RIT2: variants seen among roughly 807,000 people sequenced by gnomAD.
RIT2 encodes the protein GTP-binding protein Rit2.
A neutral mutation model predicts 23.7 loss-of-function variants in RIT2; 24 were observed. That is an observed-to-expected ratio of 1.01 (90% CI 0.73 to 1.43). RIT2 has a LOEUF of 1.43. RIT2 is among the 40% of genes most tolerant of loss of function. The pLI, the probability that RIT2 is intolerant of heterozygous loss-of-function variation, is 0.00. For missense variants in RIT2, 236 were observed against 266.9 expected (o/e 0.88, Z 0.81); for synonymous variants, 107 against 91.1 (o/e 1.17, Z -0.99).
At chr18:42,814,122 C>T (rs751152475) in intron 4 of RIT2, among the ~76,000 whole-genome samples, 8 of 152,096 alleles carry the variant, frequency 5.3e-5, no homozygotes, top group South Asian at 2.1e-4. Flanking sequence ...AGGGGTCCTT[C>T]GGGAGGGCAG....
At chr18:42,927,999 C>T (rs2144140283) in intron 3 of RIT2, among the ~76,000 whole-genome samples, 1 of 152,038 alleles carries the variant, frequency 6.6e-6, no homozygotes, top group South Asian at 2.1e-4. Flanking sequence ...ATATGAATGC[C>T]TCACTACATT....
At chr18:42,761,923 T>C (rs1316683864) in intron 4 of RIT2, among the ~76,000 whole-genome samples, 5 of 152,202 alleles carry the variant, frequency 3.3e-5, no homozygotes, top group Admixed American at 3.3e-4. Flanking sequence ...TTTGACCAAC[T>C]GTAATTTGTT....
intron 4 of RIT2, among the ~76,000 whole-genome samples, chr18:42,911,409 G>A (rs182337523): frequency 2.2e-4 from 34 of 151,692 alleles, no homozygotes; most frequent in Non-Finnish European, 3.5e-4. Flanking sequence ...CAATAAAATC[G>A]GTAAACTTTT....
chr18:43,001,843 G>A (rs1911115160), intron 2 of RIT2, among the ~76,000 whole-genome samples: 1 of 151,852 alleles, frequency 6.6e-6, no homozygotes, highest in African/African-American at 2.4e-5. Flanking sequence ...CTGTGTTTTG[G>A]AGTAGCACAA....
At chr18:42,997,937 G>C (rs967212202) in intron 2 of RIT2, among the ~76,000 whole-genome samples, 2 of 152,128 alleles carry the variant, frequency 1.3e-5, no homozygotes, top group East Asian at 3.9e-4. Flanking sequence ...TGTATTGAGA[G>C]AGAGAGAATT....
intron 4 of RIT2, among the ~76,000 whole-genome samples, chr18:42,784,972 C>G (rs2143937894): frequency 6.6e-6 from 1 of 152,144 alleles, no homozygotes; most frequent in East Asian, 1.9e-4. Flanking sequence ...AACTGTTCTA[C>G]TTTCCAACTA....
intron 4 of RIT2, among the ~76,000 whole-genome samples, chr18:42,901,854 A>T (rs572874260): frequency 6.6e-6 from 1 of 152,020 alleles, no homozygotes; most frequent in African/African-American, 2.4e-5. Context: ...GTCAAAGGAG[A>T]CTATCCAAAG....
At chr18:43,029,102 A>C (rs886618708) in intron 2 of RIT2, among the ~76,000 whole-genome samples, 1 of 152,006 alleles carries the variant, frequency 6.6e-6, no homozygotes, top group Non-Finnish European at 1.5e-5. Flanking sequence ...TAAGCTTCCC[A>C]AGTCATTCAG....
At chr18:42,817,677 T>C (rs1280617589) in intron 4 of RIT2, among the ~76,000 whole-genome samples, 2 of 152,072 alleles carry the variant, frequency 1.3e-5, no homozygotes, top group Non-Finnish European at 2.9e-5. Context: ...GGGAGGACTT[T>C]AGGGCCAATT....
chr18:42,925,799 T>A lies in RIT2; in HGVS notation c.235-2036A>T, dbSNP rs180814763. On this transcript the variant is annotated intron_variant, in intron 3 of 4. Coordinates refer to ENST00000326695, the MANE Select transcript of RIT2 (RefSeq NM_002930.4). ...TACATATTCCTTCTTCCTTTATACA[T>A]CATTCTAAACTCAATGGGAAACATA... Among the ~76,000 whole-genome samples the A allele has an allele frequency of 7.2e-4, 110 of 151,814 alleles. 1 individual carries two copies. Among genetic ancestry groups the A allele is most frequent in the African/African-American group, 2.6e-3 (109 of 41,562 alleles).
At chr18:42,828,950 C>T (rs1598671642) in intron 4 of RIT2, among the ~76,000 whole-genome samples, 1 of 152,044 alleles carries the variant, frequency 6.6e-6, no homozygotes, top group South Asian at 2.1e-4. Context: ...GGCACAGGTG[C>T]TGCCCTAGAC....
intron 4 of RIT2, among the ~76,000 whole-genome samples, chr18:42,874,960 C>G (rs377388264): frequency 1.8e-3 from 268 of 152,200 alleles, no homozygotes; most frequent in African/African-American, 5.8e-3. Context: ...TAATCATGCA[C>G]AGGCAGCATG....
chr18:43,088,073 A>G (rs1913328188), intron 1 of RIT2, among the ~76,000 whole-genome samples: 1 of 152,210 alleles, frequency 6.6e-6, no homozygotes, highest in Non-Finnish European at 1.5e-5. Context: ...TAATAGCTGT[A>G]TAGTCTTGAG....
At chr18:43,007,007 A>G (rs932087391) in intron 2 of RIT2, among the ~76,000 whole-genome samples, 14 of 151,628 alleles carry the variant, frequency 9.2e-5, no homozygotes, top group Non-Finnish European at 1.8e-4. Flanking sequence ...TTAGAGAAAA[A>G]CAGAATAATA....
intron 1 of RIT2, among the ~76,000 whole-genome samples, chr18:43,045,936 G>A (rs190259614): frequency 2.0e-5 from 3 of 151,926 alleles, no homozygotes; most frequent in East Asian, 1.9e-4. Context: ...AATTAATTAC[G>A]GTAATAATGG....
At chr18:42,828,603 G>A (rs948597999) in intron 4 of RIT2, among the ~76,000 whole-genome samples, 1 of 152,142 alleles carries the variant, frequency 6.6e-6, no homozygotes, top group African/African-American at 2.4e-5. Flanking sequence ...GTTAGGCAAT[G>A]GTCACCCAAG....
At chr18:43,045,422 G>T (rs1912224117) in intron 1 of RIT2, among the ~76,000 whole-genome samples, 1 of 152,144 alleles carries the variant, frequency 6.6e-6, no homozygotes, top group African/African-American at 2.4e-5. Context: ...ATCCTGCAAT[G>T]AAAACATTTT....
intron 3 of RIT2, among the ~76,000 whole-genome samples, chr18:42,941,290 T>C (rs376728336): frequency 7.2e-5 from 11 of 152,212 alleles, no homozygotes; most frequent in African/African-American, 2.6e-4. Context: ...GTCAAGATGG[T>C]ATGATTTGAG....
At chr18:43,093,170 A>C (rs1913465332) in intron 1 of RIT2, among the ~76,000 whole-genome samples, 1 of 152,136 alleles carries the variant, frequency 6.6e-6, no homozygotes, top group Admixed American at 6.6e-5. Flanking sequence ...ATCTTGAGTT[A>C]AACTAATTCA....
Sources: gnomAD v4.1 joint callset for allele counts (sites outside exome capture counted in the v4.1 genomes callset) on GRCh38, gnomAD v4.1.1 for gene constraint, MANE v1.5 for transcripts, NCBI Gene and HGNC (gene_info 2026-07-23, HGNC 2026-07-21) for gene names.